The following EHD4 variants were observed in gnomAD, a reference collection of about 807,000 sequenced individuals.
The protein encoded by EHD4 is EH domain containing 4, also known as EH domain-containing protein 4.
EHD4 carries 37 observed loss-of-function variants against 51.0 expected under a neutral mutation model. That is an observed-to-expected ratio of 0.73 (90% CI 0.56 to 0.95). The LOEUF (loss-of-function observed/expected upper bound fraction) is 0.95, where lower values mean the gene tolerates loss of function less well. Among genes scored for constraint, EHD4 ranks in the 40% least tolerant of loss-of-function variants. The probability of loss-of-function intolerance (pLI) is 0.00; values close to 1 mark genes in which losing one functional copy is unlikely to be tolerated. For missense variants in EHD4, 632 were observed against 733.1 expected, an observed-to-expected ratio of 0.86 and a Z score of 1.59; for synonymous variants, 297 against 317.3, an observed-to-expected ratio of 0.94 and a Z score of 0.68.
chr15:41,948,501 G>A (rs753812589), intron 2 of EHD4, among the ~76,000 whole-genome samples: 29 of 152,190 alleles, frequency 1.9e-4, no homozygotes, highest in South Asian at 4.1e-4. Context: ...GCTTCAGCAA[G>A]TTTATTATAG....
chr15:41,957,823 A>T (rs2141006874), intron 1 of EHD4, among the ~76,000 whole-genome samples: 1 of 152,340 alleles, frequency 6.6e-6, no homozygotes, highest in African/African-American at 2.4e-5. Context: ...ACTGCTGGGT[A>T]AACAGGTACA....
intron 3 of EHD4, among the ~76,000 whole-genome samples, chr15:41,939,128 G>A (rs2067750281): frequency 6.6e-6 from 1 of 152,174 alleles, no homozygotes; most frequent in Admixed American, 6.5e-5. Flanking sequence ...ATGTTCTGAA[G>A]AGTGAACCAA....
chr15:41,923,890 T>C (rs2067644019), intron 3 of EHD4, among the ~76,000 whole-genome samples: 1 of 152,250 alleles, frequency 6.6e-6, no homozygotes, highest in African/African-American at 2.4e-5. Context: ...TGCTGGGCTA[T>C]GGCCCTGGTG....
intron 5 of EHD4, among the ~76,000 whole-genome samples, chr15:41,902,754 T>C (rs772780102): frequency 6.0e-5 from 9 of 150,732 alleles, no homozygotes; most frequent in Non-Finnish European, 1.2e-4. Context: ...TACATATGTA[T>C]GTGTATACAT....
Position 41,904,937 on chromosome 15 carries a change from C to G in EHD4, c.1090-3756G>C, listed in dbSNP as rs142883833. ...CAGGGAAGGGCCTTCAGAATACACT[C>G]TCCTCTCACTGCTACAGCTAAGAGT... On this transcript the variant is annotated intron_variant, in intron 5 of 5. Transcript: ENST00000220325. Among the ~76,000 whole-genome samples, 1,105 of 152,382 alleles carry G rather than the reference C, an allele frequency of 7.3e-3. 11 individuals carry two copies. The highest frequency in any genetic ancestry group is 0.015 in the Admixed American group (237 of 15,310).
chr15:41,897,657 CG>C lies in EHD4; in HGVS notation c.*2987del, dbSNP rs1221186298. 2.6e-5 allele frequency: 4 copies of C among 152,242 alleles called. No individual in the cohort carries two copies. Among genetic ancestry groups the C allele is most frequent in the Non-Finnish European group, 4.4e-5 (3 of 68,050 alleles). The allele number at this position is 152,242 out of a possible 1,614,324, so 9.4% of individuals were successfully genotyped here. A position where few individuals can be genotyped will look rare whatever the true frequency, so the allele number is the denominator to read the frequency against. Reference sequence around the variant, plus strand: ...TCTTAGTGCAGTGTTTCTCTACAAACGGGGTCAGGAGACCCTCACTGGCAGG... The same window carrying C: ...TCTTAGTGCAGTGTTTCTCTACAAACGGGTCAGGAGACCCTCACTGGCAGG... On this transcript the variant is annotated 3_prime_UTR_variant, in exon 6 of 6. Coordinates refer to ENST00000220325, the MANE Select transcript of EHD4 (RefSeq NM_139265.4).
intron 2 of EHD4, among the ~76,000 whole-genome samples, chr15:41,950,924 T>C (rs996428997): frequency 6.6e-6 from 1 of 152,208 alleles, no homozygotes; most frequent in African/African-American, 2.4e-5. Context: ...GTACATGAAA[T>C]TACGTAAGTG....
intron 1 of EHD4, among the ~76,000 whole-genome samples, chr15:41,965,609 T>C (rs991465957): frequency 3.3e-5 from 5 of 152,094 alleles, no homozygotes; most frequent in Non-Finnish European, 7.4e-5. Flanking sequence ...CCCACAGAGA[T>C]TTCGACTCAG....
chr15:41,902,145 C>T (rs118069303), intron 5 of EHD4, among the ~76,000 whole-genome samples: 74 of 152,286 alleles, frequency 4.9e-4, no homozygotes, highest in Admixed American at 2.1e-3. Flanking sequence ...AACACTGTGA[C>T]TGCCCAACCA....
Position 41,900,395 on chromosome 15 carries a change from T to G in EHD4, c.*250A>C. ...CAGGTTCTGAGGACTCTTTGGACAA[T>G]TTCTCTTTCTTCTCAACCCTTCAAT... On this transcript the variant is annotated 3_prime_UTR_variant, in exon 6 of 6. Coordinates refer to ENST00000220325, the MANE Select transcript of EHD4 (RefSeq NM_139265.4). The surrounding 1 kb of genome is among the most constrained non-coding windows in gnomAD (Gnocchi z 4.8). The G allele has an allele frequency of 3.9e-6, 2 of 518,612 alleles. No individual in the cohort carries two copies. The highest frequency in any genetic ancestry group is 3.2e-5 in the East Asian group (1 of 31,364). The allele number at this position is 518,612 out of a possible 1,614,324, so 32.1% of individuals were successfully genotyped here.
chr15:41,929,981 G>C (rs184671270), intron 3 of EHD4, among the ~76,000 whole-genome samples: 3 of 152,274 alleles, frequency 2.0e-5, no homozygotes, highest in South Asian at 4.1e-4. Flanking sequence ...CAAACAGTAA[G>C]TTTCATTTTA....
At chr15:41,910,066 C>T (rs571702712) in intron 4 of EHD4, among the ~76,000 whole-genome samples, 12 of 148,300 alleles carry the variant, frequency 8.1e-5, no homozygotes, top group South Asian at 4.5e-4. Flanking sequence ...GGAAATTCTA[C>T]GGCTACTGTT....
rs2067467409 is a variant in EHD4 at position 41,900,384 on chromosome 15, T to C, written c.*261A>G. 1 of 514,702 alleles carries C rather than the reference T, an allele frequency of 1.9e-6. No individual in the cohort carries two copies. The highest frequency in any genetic ancestry group is 1.9e-5 in the African/African-American group (1 of 52,072). 31.9% of individuals were successfully genotyped at this position (514,702 alleles called of 1,614,324 possible). ...ATTTCTCCAGGCAGGTTCTGAGGAC[T>C]CTTTGGACAATTTCTCTTTCTTCTC... On this transcript the variant is annotated 3_prime_UTR_variant, in exon 6 of 6. Coordinates refer to ENST00000220325, the MANE Select transcript of EHD4 (RefSeq NM_139265.4). This position sits in a 1 kb window ranked among gnomAD's most constrained non-coding sequence, Gnocchi z 4.8.
chr15:41,935,416 C>T (rs185499908), intron 3 of EHD4, among the ~76,000 whole-genome samples: 97 of 152,286 alleles, frequency 6.4e-4, no homozygotes, highest in Middle Eastern at 3.4e-3. Context: ...GAGTGGGGTG[C>T]ACAGCAGACA....
chr15:41,910,864 C>T (rs898526620), intron 4 of EHD4, among the ~76,000 whole-genome samples: 12 of 152,082 alleles, frequency 7.9e-5, no homozygotes, highest in East Asian at 5.8e-4. Context: ...CCACCATGCC[C>T]GGCTACTTTG....
At chr15:41,970,454 C>A (rs769991979) in intron 1 of EHD4, among the ~76,000 whole-genome samples, 1 of 152,214 alleles carries the variant, frequency 6.6e-6, no homozygotes, top group Admixed American at 6.5e-5. Flanking sequence ...CATAAAACTG[C>A]GCTTAGCTAT....
At chr15:41,957,176 A>G (rs2141006626) in intron 1 of EHD4, among the ~76,000 whole-genome samples, 1 of 152,212 alleles carries the variant, frequency 6.6e-6, no homozygotes, top group African/African-American at 2.4e-5. Flanking sequence ...CAAAACATAC[A>G]AAAATTAGCC....
At chr15:41,927,046 A>G (rs1026385982) in intron 3 of EHD4, among the ~76,000 whole-genome samples, 1 of 152,214 alleles carries the variant, frequency 6.6e-6, no homozygotes, top group African/African-American at 2.4e-5. Context: ...GCCTTACACT[A>G]TCAAATCAGG....
At chr15:41,919,794 T>A (rs1704397) in intron 3 of EHD4, among the ~76,000 whole-genome samples, 172 bp from the exon 4 acceptor site, 1 of 151,880 alleles carries the variant, frequency 6.6e-6, no homozygotes, top group East Asian at 1.9e-4. Context: ...TGAATCCGGG[T>A]GGGAAGGACC....
Sources: gnomAD v4.1 joint callset for allele counts (sites outside exome capture counted in the v4.1 genomes callset) on GRCh38, gnomAD v4.1.1 for gene constraint, Gnocchi (gnomAD v3.1) non-coding constraint, MANE v1.5 for transcripts, NCBI Gene and HGNC (gene_info 2026-07-23, HGNC 2026-07-21) for gene names.